The following CNTN4 variants were observed in gnomAD, a reference collection of about 807,000 sequenced individuals.
The protein encoded by CNTN4 is contactin 4, also known as contactin-4.
CNTN4 carries 77 observed loss-of-function variants against 122.5 expected under a neutral mutation model. That is an observed-to-expected ratio of 0.63 (90% CI 0.52 to 0.76). The LOEUF (loss-of-function observed/expected upper bound fraction) is 0.76. CNTN4 is among the 30% of genes least tolerant of loss of function. CNTN4 has a pLI of 0.00. For missense variants in CNTN4, 1,256 were observed against 1,259.1 expected (o/e 1.00, Z 0.04); for synonymous variants, 512 against 447.0 (o/e 1.15, Z -1.83).
At chr3:2,117,094 T>G (rs2033407821) in intron 2 of CNTN4, among the ~76,000 whole-genome samples, 1 of 152,156 alleles carries the variant, frequency 6.6e-6, no homozygotes, top group South Asian at 2.1e-4. Context: ...GGTTGAGGGC[T>G]CAGTCCCACA....
chr3:2,639,671 A>G (rs939256519), intron 4 of CNTN4, among the ~76,000 whole-genome samples: 1 of 152,238 alleles, frequency 6.6e-6, no homozygotes, highest in African/African-American at 2.4e-5. Flanking sequence ...TATTAAATGA[A>G]TGAATTTTTC....
chr3:2,764,603 A>G (rs11718833), intron 6 of CNTN4, among the ~76,000 whole-genome samples: 2 of 151,940 alleles, frequency 1.3e-5, no homozygotes, highest in African/African-American at 4.8e-5. Context: ...TAAGCGTGTC[A>G]CTTTACTGAC....
chr3:2,110,401 G>C (rs1274389813), intron 2 of CNTN4: 2 of 152,202 alleles, frequency 1.3e-5, no homozygotes, highest in Non-Finnish European at 2.9e-5. Flanking sequence ...AACTTATACA[G>C]AACGTAGTAT....
chr3:2,139,210 C>G (rs1362802617), intron 2 of CNTN4, among the ~76,000 whole-genome samples: 26 of 151,798 alleles, frequency 1.7e-4, no homozygotes, highest in Admixed American at 1.7e-3. Context: ...ACCCCTAGGC[C>G]AAAGAAAATA....
At chr3:3,037,101 TC>T in intron 17 of CNTN4, 77 bp from the exon 18 acceptor site, 1 of 1,492,828 alleles carries the variant, frequency 6.7e-7, no homozygotes, top group South Asian at 1.1e-5. Context: ...GGATGGATGT[TC>T]CTATCTTCCT....
chr3:2,128,440 T>G (rs1350881896), intron 2 of CNTN4, among the ~76,000 whole-genome samples: 1 of 152,180 alleles, frequency 6.6e-6, no homozygotes, highest in African/African-American at 2.4e-5. Context: ...AGGGTGAGGC[T>G]TAGAAAGGTA....
intron 7 of CNTN4, among the ~76,000 whole-genome samples, chr3:2,836,618 T>C (rs191766363): frequency 1.0e-3 from 155 of 152,184 alleles, no homozygotes; most frequent in Non-Finnish European, 3.1e-4. Context: ...TTAGGACATG[T>C]ATATAAAATG....
chr3:2,977,706 G>T (rs1443483872), intron 13 of CNTN4, among the ~76,000 whole-genome samples: 1 of 152,126 alleles, frequency 6.6e-6, no homozygotes, highest in Non-Finnish European at 1.5e-5. Context: ...TAACAGCCCT[G>T]GGGGGTTTCC....
At position 2,287,608 on chromosome 3, in the gene CNTN4, AAGAAGG is replaced by A. The variant is rs1188068296; in HGVS notation, c.-144-51546_-144-51541del. On this transcript the variant is annotated intron_variant, in intron 2 of 24. Coordinates refer to ENST00000418658, the MANE Select transcript of CNTN4 (RefSeq NM_175607.3). ...ACAGAGTGAGACCCTGTCTAAAGAA[AAGAAGG>A]AGAAGGAGAAGGAGAAGGAGAAGAA... Among the ~76,000 whole-genome samples the A allele has an allele frequency of 6.2e-3, 718 of 114,886 alleles. 13 individuals are homozygous for A. The highest frequency in any genetic ancestry group is 0.013 in the Middle Eastern group (3 of 230). 75.4% of individuals were successfully genotyped at this position (114,886 alleles called of 152,430 possible). A position where few individuals can be genotyped will look rare whatever the true frequency, so the allele number is the denominator to read the frequency against.
chr3:2,851,949 A>T (rs920619398), intron 7 of CNTN4, among the ~76,000 whole-genome samples: 1 of 152,204 alleles, frequency 6.6e-6, no homozygotes, highest in South Asian at 2.1e-4. Flanking sequence ...TTTTCCTAGG[A>T]TGCTTTCAGC....
intron 3 of CNTN4, among the ~76,000 whole-genome samples, chr3:2,347,575 A>G (rs2044449809): frequency 6.6e-6 from 1 of 151,846 alleles, no homozygotes; most frequent in Non-Finnish European, 1.5e-5. Flanking sequence ...ACACCCAGCT[A>G]ATTTTTGTAT....
intron 2 of CNTN4, among the ~76,000 whole-genome samples, chr3:2,192,863 A>G (rs774488992): frequency 6.6e-6 from 1 of 152,152 alleles, no homozygotes; most frequent in Non-Finnish European, 1.5e-5. Flanking sequence ...TGTTGTTGTC[A>G]TGGGCGACAT....
chr3:2,943,807 A>T (rs1339186675), intron 13 of CNTN4, among the ~76,000 whole-genome samples: 2 of 151,380 alleles, frequency 1.3e-5, no homozygotes, highest in Non-Finnish European at 1.5e-5. Context: ...TATTTATAGT[A>T]GAGATGGGGT....
intron 4 of CNTN4, among the ~76,000 whole-genome samples, chr3:2,723,602 C>G (rs1980161): frequency 0.67 from 101,192 of 152,006 alleles, 35,699 homozygotes; most frequent in Non-Finnish European, 0.79. Context: ...CTGTTTGAAG[C>G]CTCTTTTATG....
At chr3:2,924,037 A>G (rs2151357134) in intron 12 of CNTN4, among the ~76,000 whole-genome samples, 1 of 152,216 alleles carries the variant, frequency 6.6e-6, no homozygotes, top group Non-Finnish European at 1.5e-5. Context: ...CTTCCCTCAT[A>G]AATCTGAGGT....
chr3:2,537,523 G>T (rs780594529), intron 3 of CNTN4, among the ~76,000 whole-genome samples: 30 of 152,034 alleles, frequency 2.0e-4, no homozygotes, highest in South Asian at 6.2e-4. Context: ...TGAATGTAAA[G>T]ATTTTGCCTA....
intron 4 of CNTN4, among the ~76,000 whole-genome samples, chr3:2,712,947 A>T (rs1032582155): frequency 6.6e-6 from 1 of 152,140 alleles, no homozygotes; most frequent in Non-Finnish European, 1.5e-5. Context: ...CCCTTCCCCA[A>T]TACCTCGCCC....
intron 13 of CNTN4, among the ~76,000 whole-genome samples, chr3:2,951,967 A>T (rs1162154416): frequency 1.3e-5 from 2 of 152,242 alleles, no homozygotes; most frequent in Non-Finnish European, 2.9e-5. Context: ...CATCAGCTAC[A>T]GGAAGACCTA....
chr3:2,119,712 C>A (rs1221058258), intron 2 of CNTN4, among the ~76,000 whole-genome samples: 1 of 152,138 alleles, frequency 6.6e-6, no homozygotes, highest in African/African-American at 2.4e-5. Context: ...GAATCCACTT[C>A]ATTTTTCCAT....
Sources: allele counts gnomAD v4.1 joint callset (sites outside exome capture counted in the v4.1 genomes callset), GRCh38; gene constraint gnomAD v4.1.1; transcripts MANE v1.5; gene names NCBI Gene and HGNC (gene_info 2026-07-23, HGNC 2026-07-21).